Variants in SV2C observed in about 807,000 individuals in gnomAD.
The protein encoded by SV2C is synaptic vesicle glycoprotein 2C.
In SV2C, 49 loss-of-function variants were observed where a neutral mutation model predicts 79.7. That is an observed-to-expected ratio of 0.61 (90% CI 0.49 to 0.78). The LOEUF (loss-of-function observed/expected upper bound fraction) is 0.78. Among genes scored for constraint, SV2C ranks in the 30% least tolerant of loss-of-function variants. The probability of loss-of-function intolerance (pLI) is 0.00; values close to 1 mark genes in which losing one functional copy is unlikely to be tolerated. For synonymous variants in SV2C, 334 were observed against 333.2 expected, an observed-to-expected ratio of 1.00 and a Z score of -0.03; for missense variants, 833 against 912.9, an observed-to-expected ratio of 0.91 and a Z score of 1.13.
At chr5:76,103,987 A>C (rs758084882) in intron 1 of SV2C, among the ~76,000 whole-genome samples, 4 of 152,228 alleles carry the variant, frequency 2.6e-5, no homozygotes, top group Non-Finnish European at 4.4e-5. Flanking sequence ...AGCAAATTGA[A>C]TCCAGAAATG....
At chr5:75,883,209 G>A in the SV2C span, among the ~76,000 whole-genome samples, 2 of 129,504 alleles carry the variant, frequency 1.5e-5, no homozygotes, top group African/African-American at 3.5e-5. Flanking sequence ...TGGAGAGGAT[G>A]TGGAGAAATA....
At chr5:76,104,604 G>T (rs1339532566) in intron 1 of SV2C, among the ~76,000 whole-genome samples, 1 of 152,176 alleles carries the variant, frequency 6.6e-6, no homozygotes, top group Non-Finnish European at 1.5e-5. Flanking sequence ...AGCAACCTCT[G>T]ACATAGTTAA....
the SV2C span, among the ~76,000 whole-genome samples, chr5:75,980,975 G>GC: frequency 6.6e-6 from 1 of 152,142 alleles, no homozygotes; most frequent in Non-Finnish European, 1.5e-5. Flanking sequence ...CATACTCTCA[G>GC]CCCAAAAGCT....
At chr5:76,096,273 T>G (rs553283398) in intron 1 of SV2C, among the ~76,000 whole-genome samples, 5 of 152,316 alleles carry the variant, frequency 3.3e-5, no homozygotes, top group Admixed American at 2.6e-4. Flanking sequence ...TCCAACATCA[T>G]AAATTTCTTA....
intron 4 of SV2C, among the ~76,000 whole-genome samples, chr5:76,253,708 G>GGAA (rs1746181205): frequency 8.5e-6 from 1 of 118,208 alleles, no homozygotes; most frequent in Non-Finnish European, 1.7e-5. Flanking sequence ...CCTCCCTAAG[G>GGAA]AAAAAAAAAA....
the SV2C span, among the ~76,000 whole-genome samples, chr5:76,037,261 T>C: frequency 1.3e-5 from 2 of 152,350 alleles, no homozygotes; most frequent in Admixed American, 6.5e-5. Flanking sequence ...AGTCATTCTA[T>C]GTACAGCTTT....
chr5:76,348,416 T>A (rs1749583465), intron 12 of SV2C, among the ~76,000 whole-genome samples: 1 of 152,244 alleles, frequency 6.6e-6, no homozygotes. Flanking sequence ...TATGCAAGTT[T>A]TTGTATGGAC....
intron 2 of SV2C, among the ~76,000 whole-genome samples, chr5:76,140,974 T>C (rs1228049390): frequency 6.6e-6 from 1 of 152,230 alleles, no homozygotes; most frequent in Non-Finnish European, 1.5e-5. Context: ...CTACCAACAC[T>C]AGCAAAATCT....
intron 1 of SV2C, among the ~76,000 whole-genome samples, chr5:76,100,218 G>A (rs1747694130): frequency 1.3e-5 from 2 of 152,094 alleles, no homozygotes; most frequent in South Asian, 2.1e-4. Context: ...TTGCTTATTA[G>A]CTCATAAGCT....
chr5:75,976,892 C>A, the SV2C span, among the ~76,000 whole-genome samples: 2 of 152,102 alleles, frequency 1.3e-5, no homozygotes, highest in Non-Finnish European at 2.9e-5. Flanking sequence ...GCGGTACATC[C>A]CCCTCAATGG....
chr5:75,971,529 T>C, the SV2C span, among the ~76,000 whole-genome samples: 1 of 151,920 alleles, frequency 6.6e-6, no homozygotes, highest in Non-Finnish European at 1.5e-5. Flanking sequence ...TATACACCAA[T>C]AACAGACAAA....
the SV2C span, among the ~76,000 whole-genome samples, chr5:75,862,316 T>C: frequency 6.6e-6 from 1 of 152,162 alleles, no homozygotes; most frequent in Non-Finnish European, 1.5e-5. Context: ...ACTGAACTAG[T>C]CATCAGTTGT....
chr5:75,958,436 C>T, the SV2C span, among the ~76,000 whole-genome samples: 1 of 151,976 alleles, frequency 6.6e-6, no homozygotes, highest in Admixed American at 6.6e-5. Flanking sequence ...GCCACTCTCC[C>T]CTCCTCAACT....
the SV2C span, among the ~76,000 whole-genome samples, chr5:76,071,400 A>C: frequency 6.6e-6 from 1 of 152,334 alleles, no homozygotes; most frequent in African/African-American, 2.4e-5. Flanking sequence ...TAATGTTGGT[A>C]TAGGATGCAC....
At chr5:75,991,618 C>A in the SV2C span, among the ~76,000 whole-genome samples, 2 of 144,514 alleles carry the variant, frequency 1.4e-5, no homozygotes, top group African/African-American at 5.1e-5. Flanking sequence ...TACATATATG[C>A]AAAACCATCA....
chr5:76,265,368 G>T (rs547343147), intron 4 of SV2C, among the ~76,000 whole-genome samples: 48 of 152,326 alleles, frequency 3.2e-4, no homozygotes, highest in African/African-American at 1.1e-3. Context: ...TTTCAAGCCA[G>T]TGGTTCTTAG....
At chr5:76,235,216 G>A (rs72773779) in intron 4 of SV2C, among the ~76,000 whole-genome samples, 7,329 of 148,100 alleles carry the variant, frequency 0.049, 336 homozygotes, top group African/African-American at 0.12. Context: ...GTAGTGATGA[G>A]ACATTTAACG....
At chr5:76,212,688 T>C (rs1020801960) in intron 4 of SV2C, among the ~76,000 whole-genome samples, 2 of 152,184 alleles carry the variant, frequency 1.3e-5, no homozygotes, top group African/African-American at 2.4e-5. Context: ...CACACTGGCT[T>C]CTGCAGCCTA....
At chr5:75,992,338 T>A in the SV2C span, among the ~76,000 whole-genome samples, 1 of 152,136 alleles carries the variant, frequency 6.6e-6, no homozygotes, top group African/African-American at 2.4e-5. Context: ...ATACTATATA[T>A]GTATATCTGT....
Sources: allele counts gnomAD v4.1 joint callset (sites outside exome capture counted in the v4.1 genomes callset), GRCh38; gene constraint gnomAD v4.1.1; transcripts MANE v1.5; gene names NCBI Gene and HGNC (gene_info 2026-07-23, HGNC 2026-07-21).